Variants in RPS6KC1 observed in about 807,000 individuals in gnomAD.
RPS6KC1 encodes the protein inactive ribosomal protein S6 kinase delta-1.
A neutral mutation model predicts 103.8 loss-of-function variants in RPS6KC1; 54 were observed. The ratio of observed to expected loss-of-function variants is 0.52; its 90% confidence interval spans 0.42 to 0.65. RPS6KC1 has a LOEUF of 0.65. RPS6KC1 is among the 30% of genes least tolerant of loss of function. The probability of loss-of-function intolerance (pLI) is 0.00; values close to 1 mark genes in which losing one functional copy is unlikely to be tolerated. For missense variants in RPS6KC1, 1,151 were observed against 1,253.8 expected (o/e 0.92, Z 1.24); for synonymous variants, 439 against 438.7 (o/e 1.00, Z -0.01).
the RPS6KC1 span, among the ~76,000 whole-genome samples, chr1:213,391,018 C>T: frequency 6.6e-6 from 1 of 151,868 alleles, no homozygotes; most frequent in Non-Finnish European, 1.5e-5. Flanking sequence ...TTTTTTTCCC[C>T]CCATCTAATT....
Position 213,117,481 on chromosome 1 carries a change from C to T in RPS6KC1, c.472+71C>T, listed in dbSNP as rs554541839. The T allele has an allele frequency of 1.3e-4, 109 of 829,262 alleles. No individual in the cohort carries two copies. In the South Asian group the frequency reaches 1.7e-3, roughly 13 times the overall value. The allele number at this position is 829,262 out of a possible 1,614,324, so 51.4% of individuals were successfully genotyped here. ...AAGACTATAAATCATATCTGCATTG[C>T]AAAAAGACAGATGTATATAGGAATT... On this transcript the variant is annotated intron_variant, in intron 5 of 14. Coordinates refer to ENST00000366960, the MANE Select transcript of RPS6KC1 (RefSeq NM_012424.6).
the RPS6KC1 span, among the ~76,000 whole-genome samples, chr1:213,310,623 C>T: frequency 6.6e-6 from 1 of 152,190 alleles, no homozygotes; most frequent in African/African-American, 2.4e-5. Context: ...CCTGGCTTCC[C>T]CTATCAGAAT....
At chr1:213,375,164 TAC>T in the RPS6KC1 span, among the ~76,000 whole-genome samples, 1 of 150,440 alleles carries the variant, frequency 6.6e-6, no homozygotes, top group Non-Finnish European at 1.5e-5. Context: ...TATACACGCA[TAC>T]ACACATACAC....
At chr1:213,393,212 G>A in the RPS6KC1 span, among the ~76,000 whole-genome samples, 1 of 152,118 alleles carries the variant, frequency 6.6e-6, no homozygotes, top group African/African-American at 2.4e-5. Flanking sequence ...GAGCCTCATG[G>A]CATTTACTGA....
the RPS6KC1 span, among the ~76,000 whole-genome samples, chr1:213,299,826 A>T: frequency 6.6e-6 from 1 of 152,014 alleles, no homozygotes; most frequent in Non-Finnish European, 1.5e-5. Context: ...TATTTTTGAG[A>T]CGGAGTCTCG....
intron 6 of RPS6KC1, among the ~76,000 whole-genome samples, chr1:213,165,757 G>C (rs890675329): frequency 1.3e-5 from 2 of 152,056 alleles, no homozygotes; most frequent in Non-Finnish European, 2.9e-5. Context: ...GGGTTTTGCT[G>C]TGTGGGCCAG....
chr1:213,357,104 C>G, the RPS6KC1 span, among the ~76,000 whole-genome samples: 1 of 151,686 alleles, frequency 6.6e-6, no homozygotes, highest in Non-Finnish European at 1.5e-5. Flanking sequence ...TGTGCAGCAC[C>G]TACATCGGGA....
the RPS6KC1 span, among the ~76,000 whole-genome samples, chr1:213,815,391 C>T: frequency 1.2e-4 from 18 of 152,314 alleles, no homozygotes; most frequent in African/African-American, 4.3e-4. Context: ...GCTTCTATCC[C>T]AGTGAACTCC....
At chr1:213,623,149 G>A in the RPS6KC1 span, among the ~76,000 whole-genome samples, 3 of 152,110 alleles carry the variant, frequency 2.0e-5, no homozygotes, top group East Asian at 3.9e-4. Flanking sequence ...TTGAAACATC[G>A]GGCATGACTG....
At chr1:213,464,242 G>A in the RPS6KC1 span, among the ~76,000 whole-genome samples, 30 of 152,134 alleles carry the variant, frequency 2.0e-4, no homozygotes, top group East Asian at 5.0e-3. Flanking sequence ...CTTTTTTTAT[G>A]TCAGTATTTG....
At chr1:213,110,484 A>G (rs1252944683) in intron 4 of RPS6KC1, among the ~76,000 whole-genome samples, 1 of 152,116 alleles carries the variant, frequency 6.6e-6, no homozygotes, top group African/African-American at 2.4e-5. Flanking sequence ...TCTCTGCCCA[A>G]TATTTAATTC....
the RPS6KC1 span, among the ~76,000 whole-genome samples, chr1:213,556,593 C>T: frequency 6.6e-6 from 1 of 152,214 alleles, no homozygotes; most frequent in Non-Finnish European, 1.5e-5. Context: ...TTATCCTTGC[C>T]TGATAATTGC....
At chr1:213,713,741 C>A in the RPS6KC1 span, among the ~76,000 whole-genome samples, 1 of 152,192 alleles carries the variant, frequency 6.6e-6, no homozygotes, top group South Asian at 2.1e-4. Context: ...TCTTTCCCAG[C>A]CTCCTCTGCA....
chr1:213,672,506 G>A, the RPS6KC1 span, among the ~76,000 whole-genome samples: 1 of 152,294 alleles, frequency 6.6e-6, no homozygotes, highest in Non-Finnish European at 1.5e-5. Context: ...TTCTACTTCA[G>A]ATGTTAGATT....
At chr1:213,054,260 T>G (rs1340121193) in intron 1 of RPS6KC1, among the ~76,000 whole-genome samples, 1 of 152,240 alleles carries the variant, frequency 6.6e-6, no homozygotes, top group Admixed American at 6.5e-5. Flanking sequence ...GCATGTTACA[T>G]ATTGCTCTGG....
the RPS6KC1 span, among the ~76,000 whole-genome samples, chr1:213,312,645 C>T: frequency 2.0e-5 from 3 of 152,198 alleles, no homozygotes; most frequent in African/African-American, 7.2e-5. Context: ...GCCCTTTCCT[C>T]AAACCTCGGT....
chr1:213,240,725 A>T lies in RPS6KC1; in HGVS notation c.1249A>T (p.Ser417Cys), dbSNP rs1354871455. ...AEGGKLWSYI[S>C]KFLNRSPEES... ...AGGTGGCAAACTGTGGTCATATATC[A>T]GTAAATTTCTAAACAGAAGTCCTGA... The change falls in exon 11 of 15, where the codon AGT (serine) becomes TGT (cysteine). Residue 417 changes from serine (S) to cysteine (C), a missense_variant. Physicochemically the swap from Ser to Cys is moderately radical, Grantham distance 112 (BLOSUM62 -1). Coordinates refer to ENST00000366960, the MANE Select transcript of RPS6KC1 (RefSeq NM_012424.6). The T allele has an allele frequency of 6.2e-7, 1 of 1,612,116 alleles. No homozygotes were observed. The highest frequency in any genetic ancestry group is 1.7e-5 in the Admixed American group (1 of 59,616).
At chr1:213,268,425 A>G (rs2094960740) in intron 14 of RPS6KC1, among the ~76,000 whole-genome samples, 1 of 151,968 alleles carries the variant, frequency 6.6e-6, no homozygotes, top group South Asian at 2.1e-4. Flanking sequence ...TACCACAGGA[A>G]TTCCTTCAGG....
the RPS6KC1 span, among the ~76,000 whole-genome samples, chr1:213,349,844 A>G: frequency 1.3e-5 from 2 of 152,208 alleles, no homozygotes; most frequent in African/African-American, 4.8e-5. Context: ...GGCCATAAGC[A>G]TGCACTAAAG....
Sources: gnomAD v4.1 joint callset for allele counts (sites outside exome capture counted in the v4.1 genomes callset) on GRCh38, gnomAD v4.1.1 for gene constraint, MANE v1.5 for transcripts, NCBI Gene and HGNC (gene_info 2026-07-23, HGNC 2026-07-21) for gene names.